ADAMTS16: variants seen among roughly 807,000 people sequenced by gnomAD.
ADAMTS16 encodes the protein A disintegrin and metalloproteinase with thrombospondin motifs 16.
ADAMTS16 carries 94 observed loss-of-function variants against 145.8 expected under a neutral mutation model. The observed-to-expected ratio is 0.64, with a 90% CI of 0.55 to 0.77. The LOEUF is 0.77. Among genes scored for constraint, ADAMTS16 ranks in the 30% least tolerant of loss-of-function variants. The probability of loss-of-function intolerance (pLI) is 0.00; values close to 1 mark genes in which losing one functional copy is unlikely to be tolerated. For missense variants in ADAMTS16, 1,585 were observed against 1,591.5 expected, an observed-to-expected ratio of 1.00 and a Z score of 0.07; for synonymous variants, 659 against 604.3, an observed-to-expected ratio of 1.09 and a Z score of -1.33.
chr5:5,273,339 T>C (rs1392353159), intron 18 of ADAMTS16, among the ~76,000 whole-genome samples: 4 of 152,170 alleles, frequency 2.6e-5, no homozygotes, highest in Non-Finnish European at 4.4e-5. Flanking sequence ...CTGGGCAACA[T>C]GGTGAAACTT....
At chr5:5,305,023 ACACACACATCCATCCCACAC>A (rs1739995999) in intron 20 of ADAMTS16, among the ~76,000 whole-genome samples, 1 of 73,186 alleles carries the variant, frequency 1.4e-5, no homozygotes, top group African/African-American at 5.0e-5. Context: ...CCACACACAC[ACACACACATCCATCCCACAC>A]CACACACACA....
intron 3 of ADAMTS16, among the ~76,000 whole-genome samples, chr5:5,175,618 G>A (rs1220680439): frequency 2.0e-5 from 3 of 152,176 alleles, no homozygotes; most frequent in African/African-American, 7.2e-5. Context: ...TGCCTTTCAG[G>A]TTTATGTAGA....
rs1739128474 is a variant in ADAMTS16, at chr5:5,286,885, A to AG, written c.2790-16382dup. Among the ~76,000 whole-genome samples the AG allele has an allele frequency of 2.1e-4, 11 of 52,194 alleles. 3 individuals are homozygous for AG. Among genetic ancestry groups the AG allele is most frequent in the South Asian group, 1.5e-3 (2 of 1,342 alleles). The allele number at this position is 52,194 out of a possible 152,430, so 34.2% of individuals were successfully genotyped here. ...AAAAAAAAAAAAAAAAAAAAAAAAG[A>AG]GTTTTTATAACCCTTTAGTATGTGC... On this transcript the variant is annotated intron_variant, in intron 18 of 22. Transcript: ENST00000274181.
At chr5:5,252,053 G>A (rs967157932) in intron 17 of ADAMTS16, among the ~76,000 whole-genome samples, 1 of 152,304 alleles carries the variant, frequency 6.6e-6, no homozygotes, top group South Asian at 2.1e-4. Flanking sequence ...GTTTCACCGT[G>A]TTAGCCAGGA....
intron 11 of ADAMTS16, among the ~76,000 whole-genome samples, chr5:5,231,967 A>G (rs1175866348): frequency 1.3e-5 from 2 of 152,138 alleles, no homozygotes; most frequent in Non-Finnish European, 2.9e-5. Context: ...GTGCTTTCCT[A>G]CCTGAGACTC....
intron 3 of ADAMTS16, among the ~76,000 whole-genome samples, chr5:5,148,152 G>T (rs765281055): frequency 1.3e-5 from 2 of 152,338 alleles, no homozygotes; most frequent in Middle Eastern, 3.4e-3. Context: ...TGTTGGAAGA[G>T]AAATTTATAT....
chr5:5,214,776 A>G (rs1272999747), intron 10 of ADAMTS16, among the ~76,000 whole-genome samples: 4 of 152,214 alleles, frequency 2.6e-5, no homozygotes, highest in East Asian at 1.9e-4. Context: ...TCAAAATTAC[A>G]TATGGTGTGG....
Position 5,209,230 on chromosome 5 carries a change from T to C in ADAMTS16, c.1589T>C (p.Met530Thr). The C allele has an allele frequency of 6.2e-7, 1 of 1,613,838 alleles. No individual in the cohort carries two copies. The highest frequency in any genetic ancestry group is 8.5e-7 in the Non-Finnish European group (1 of 1,179,854). The part of the protein sequence containing the change: ...WQFGEKAKLC[M>T]LDFKKDICKA... ...TTCGGAGAGAAAGCCAAGCTCTGCA[T>C]GCTGGACTTTAAAAAGGCAAGTGAT... The change falls in exon 10 of 23, where the codon ATG (methionine) becomes ACG (threonine). Residue 530 changes from methionine to threonine, a missense_variant. Physicochemically the swap from Met to Thr is moderately conservative, Grantham distance 81. Coordinates refer to ENST00000274181, the MANE Select transcript of ADAMTS16 (RefSeq NM_139056.4).
chr5:5,217,807 C>T (rs1736478824), intron 10 of ADAMTS16, among the ~76,000 whole-genome samples: 1 of 152,218 alleles, frequency 6.6e-6, no homozygotes, highest in Admixed American at 6.5e-5. Flanking sequence ...TAGGTTTTGA[C>T]TCTTTTCTGC....
intron 3 of ADAMTS16, among the ~76,000 whole-genome samples, chr5:5,151,698 G>A (rs1383987350): frequency 6.6e-6 from 1 of 150,752 alleles, no homozygotes; most frequent in Non-Finnish European, 1.5e-5. Flanking sequence ...GTGTGTGTGT[G>A]TGTGTGTGTG....
chr5:5,236,818 G>GATT (rs1737123488), intron 13 of ADAMTS16, 151 bp from the exon 14 acceptor site: 1 of 974,210 alleles, frequency 1.0e-6, no homozygotes, highest in African/African-American at 1.7e-5. Context: ...AAAACATAAT[G>GATT]AGGCAACCAT....
At position 5,187,727 on chromosome 5, in the gene ADAMTS16, A is replaced by T; in HGVS notation, c.966A>T (p.Val322=). The change falls in exon 6 of 23, where the codon GTA becomes GTT. Residue 322 remains valine, a splice_region_variant and synonymous_variant. Coordinates refer to ENST00000274181, the MANE Select transcript of ADAMTS16 (RefSeq NM_139056.4). ...TTYVLTILNM[V]SALFKDGTIG... is the part of the protein sequence containing the mutation. Reference sequence around the variant, plus strand: ...CATGGATTTCCTGTCTTTTTCAGGTATCTGCTTTATTCAAAGATGGAACAA... The same window carrying T: ...CATGGATTTCCTGTCTTTTTCAGGTTTCTGCTTTATTCAAAGATGGAACAA... The T allele has an allele frequency of 6.2e-7, 1 of 1,608,850 alleles. No individual in the cohort carries two copies. Among genetic ancestry groups the T allele is most frequent in the Non-Finnish European group, 8.5e-7 (1 of 1,175,554 alleles).
rs1305685674 is a variant in ADAMTS16 at position 5,317,692 on chromosome 5, C to T, written c.3412-442C>T. Among the ~76,000 whole-genome samples, 1 of 152,142 alleles carries T rather than the reference C, an allele frequency of 6.6e-6. No homozygotes were observed. Among genetic ancestry groups the T allele is most frequent in the Non-Finnish European group, 1.5e-5 (1 of 68,038 alleles). On this transcript the variant is annotated intron_variant, in intron 21 of 22. Coordinates refer to ENST00000274181, the MANE Select transcript of ADAMTS16 (RefSeq NM_139056.4). This position sits in a 1 kb window ranked among gnomAD's most constrained non-coding sequence, Gnocchi z 4.5. ...GGATTACAGGCATGAGCCACCGTGC[C>T]CGGCAGTATATTTACTTTTTTAAAA...
At chr5:5,283,475 T>TC (rs1409567396) in intron 18 of ADAMTS16, among the ~76,000 whole-genome samples, 6 of 145,606 alleles carry the variant, frequency 4.1e-5, no homozygotes, top group African/African-American at 1.6e-4. Flanking sequence ...TCCCCCCACC[T>TC]CCCCCCCAGA....
Position 5,277,004 on chromosome 5 carries a change from C to A in ADAMTS16, c.2789+14221C>A, listed in dbSNP as rs184410646. Among the ~76,000 whole-genome samples, 667 of 152,242 alleles carry A rather than the reference C, an allele frequency of 4.4e-3. 4 individuals are homozygous for A. Among genetic ancestry groups the A allele is most frequent in the African/African-American group, 0.014 (582 of 41,546 alleles). On this transcript the variant is annotated intron_variant, in intron 18 of 22. Transcript: ENST00000274181. ...CTGCACTCTGTTAAAGAAAACATGG[C>A]GAAACATTGCAGTCTTTTAAACCAT...
At chr5:5,217,530 T>C (rs1736471105) in intron 10 of ADAMTS16, among the ~76,000 whole-genome samples, 1 of 152,192 alleles carries the variant, frequency 6.6e-6, no homozygotes, top group Non-Finnish European at 1.5e-5. Flanking sequence ...TTGAAGAGTG[T>C]AGTACAGACA....
At position 5,140,748 on chromosome 5, in the gene ADAMTS16, G is replaced by C; in HGVS notation, c.157G>C (p.Gly53Arg). ...TCCTCCTCCACCCGCGGAGCGGCCG[G>C]GCTGGATGGAAAAGGGCGGTAAGTC... Reference protein sequence around the residue: ...PRPPPPAERPGWMEKGEYDLV... With the variant: ...PRPPPPAERPRWMEKGEYDLV... Residue 53 changes from glycine (G) to arginine (R), a missense_variant, in exon 2 of 23, where the codon GGC becomes CGC. Physicochemically the swap from Gly to Arg is moderately radical, Grantham distance 125 (BLOSUM62 -2). Transcript: ENST00000274181. The C allele has an allele frequency of 6.4e-7, 1 of 1,566,294 alleles. No individual in the cohort carries two copies.
intron 3 of ADAMTS16, among the ~76,000 whole-genome samples, chr5:5,179,728 A>G (rs1302726277): frequency 6.6e-6 from 1 of 152,186 alleles, no homozygotes; most frequent in Non-Finnish European, 1.5e-5. Context: ...CCTCTCCCTC[A>G]ATCCTGGGCA....
At chr5:5,259,610 C>A (rs1737926510) in intron 17 of ADAMTS16, among the ~76,000 whole-genome samples, 1 of 152,046 alleles carries the variant, frequency 6.6e-6, no homozygotes, top group Non-Finnish European at 1.5e-5. Flanking sequence ...GTTATGGTCC[C>A]ACTACTGAAT....
Sources: allele counts gnomAD v4.1 joint callset (sites outside exome capture counted in the v4.1 genomes callset), GRCh38; gene constraint gnomAD v4.1.1; non-coding constraint Gnocchi (gnomAD v3.1); transcripts MANE v1.5; gene names NCBI Gene and HGNC (gene_info 2026-07-23, HGNC 2026-07-21).